MTUS2: variants seen among roughly 807,000 people sequenced by gnomAD.
The protein encoded by MTUS2 is microtubule associated scaffold protein 2, also known as microtubule-associated tumor suppressor candidate 2.
In MTUS2, 40 loss-of-function variants were observed where a neutral mutation model predicts 114.1. The observed-to-expected ratio is 0.35, with a 90% CI of 0.27 to 0.46. The LOEUF is 0.46. Ranked by LOEUF, MTUS2 falls within the 20% of genes least tolerant of loss-of-function variation. The pLI, the probability that MTUS2 is intolerant of heterozygous loss-of-function variation, is 1.00. For synonymous variants in MTUS2, 688 were observed against 672.0 expected, an observed-to-expected ratio of 1.02 and a Z score of -0.37; for missense variants, 1,679 against 1,705.4, an observed-to-expected ratio of 0.98 and a Z score of 0.27.
At chr13:28,947,469 T>G (rs1420122590) in intron 2 of MTUS2, among the ~76,000 whole-genome samples, 1 of 152,238 alleles carries the variant, frequency 6.6e-6, no homozygotes, top group East Asian at 1.9e-4. Context: ...TACCTCAATA[T>G]GTTTGCGAAT....
chr13:29,353,495 C>G (rs1477177130), intron 7 of MTUS2, among the ~76,000 whole-genome samples: 2 of 151,880 alleles, frequency 1.3e-5, no homozygotes, highest in Admixed American at 6.6e-5. Flanking sequence ...CAGGTGGGGT[C>G]TTCCTGTGTT....
chr13:29,420,649 T>C (rs3121761), intron 8 of MTUS2, among the ~76,000 whole-genome samples: 150,628 of 152,288 alleles, frequency 0.99, 74,524 homozygotes, highest in Middle Eastern at 1. Flanking sequence ...CTGGGATCAT[T>C]CTTTCTATTT....
At chr13:29,049,009 G>A (rs1031262801) in intron 4 of MTUS2, among the ~76,000 whole-genome samples, 10 of 152,152 alleles carry the variant, frequency 6.6e-5, no homozygotes, top group Non-Finnish European at 1.5e-4. Flanking sequence ...CTTATTAGGC[G>A]TGTACTGATC....
intron 2 of MTUS2, among the ~76,000 whole-genome samples, chr13:29,023,293 C>G (rs570553902): frequency 6.6e-6 from 1 of 152,310 alleles, no homozygotes; most frequent in South Asian, 2.1e-4. Context: ...GTGTTCAGGG[C>G]CTGATCATGC....
intron 4 of MTUS2, among the ~76,000 whole-genome samples, chr13:29,073,236 A>C (rs1379428186): frequency 6.6e-6 from 1 of 152,202 alleles, no homozygotes; most frequent in Non-Finnish European, 1.5e-5. Flanking sequence ...AGGTTGTTGA[A>C]AGAAAGTCAC....
chr13:29,294,607 T>A (rs4769710), intron 6 of MTUS2, among the ~76,000 whole-genome samples: 97,644 of 152,006 alleles, frequency 0.64, 32,519 homozygotes, highest in Non-Finnish European at 0.73. Context: ...ACAGAGTAAA[T>A]TCACCAAAGG....
intron 5 of MTUS2, among the ~76,000 whole-genome samples, chr13:29,272,572 A>T (rs967238101): frequency 6.6e-6 from 1 of 152,226 alleles, no homozygotes; most frequent in Non-Finnish European, 1.5e-5. Context: ...AATATGGATC[A>T]GAAGCCCTAA....
chr13:29,064,920 C>T (rs774575644), intron 4 of MTUS2, among the ~76,000 whole-genome samples: 9 of 152,152 alleles, frequency 5.9e-5, no homozygotes, highest in Middle Eastern at 3.2e-3. Flanking sequence ...GGAGAGTGAC[C>T]TCTAGCTCCA....
intron 5 of MTUS2, among the ~76,000 whole-genome samples, chr13:29,246,840 G>C (rs1896943280): frequency 6.6e-6 from 1 of 150,926 alleles, no homozygotes; most frequent in Non-Finnish European, 1.5e-5. Flanking sequence ...GCCAAAAGTA[G>C]TCTAGAAATT....
chr13:29,430,354 C>A (rs925956882), intron 8 of MTUS2, among the ~76,000 whole-genome samples: 1 of 152,078 alleles, frequency 6.6e-6, no homozygotes, highest in Non-Finnish European at 1.5e-5. Flanking sequence ...TGTTTTAAAT[C>A]AAGTTCTTGA....
intron 4 of MTUS2, among the ~76,000 whole-genome samples, chr13:29,094,676 T>G (rs1890104688): frequency 6.6e-6 from 1 of 152,036 alleles, no homozygotes; most frequent in African/African-American, 2.4e-5. Context: ...ATTCTCTGTT[T>G]TATTTATTTT....
At chr13:29,300,659 A>G (rs547273687) in intron 6 of MTUS2, among the ~76,000 whole-genome samples, 24 of 152,218 alleles carry the variant, frequency 1.6e-4, no homozygotes, top group South Asian at 6.2e-4. Context: ...GAAATGCCAA[A>G]TACTAAGAGT....
intron 8 of MTUS2, among the ~76,000 whole-genome samples, chr13:29,406,409 C>G (rs1299404769): frequency 1.3e-5 from 2 of 152,148 alleles, no homozygotes; most frequent in East Asian, 1.9e-4. Context: ...GTTCACTTAC[C>G]TGTTGGCAGA....
intron 5 of MTUS2, among the ~76,000 whole-genome samples, chr13:29,124,762 G>T (rs778706030): frequency 4.6e-5 from 7 of 152,182 alleles, no homozygotes; most frequent in Non-Finnish European, 8.8e-5. Context: ...AAAAGGAAAA[G>T]AAATTCTGAC....
chr13:29,320,102 G>T (rs1243032603), intron 6 of MTUS2, among the ~76,000 whole-genome samples: 1 of 152,214 alleles, frequency 6.6e-6, no homozygotes, highest in Non-Finnish European at 1.5e-5. Context: ...TTGAGATGGG[G>T]AGATTATCCT....
chr13:29,030,657 T>A (rs532911164), intron 3 of MTUS2, among the ~76,000 whole-genome samples: 3 of 152,308 alleles, frequency 2.0e-5, no homozygotes, highest in Admixed American at 6.5e-5. Flanking sequence ...GGCTGCAGTC[T>A]GGTCTCTAGG....
intron 5 of MTUS2, among the ~76,000 whole-genome samples, chr13:29,264,492 C>T (rs1228543366): frequency 6.6e-6 from 1 of 152,280 alleles, no homozygotes; most frequent in Admixed American, 6.5e-5. Flanking sequence ...CCACATTTCC[C>T]ATTGGCTCTG....
intron 2 of MTUS2, among the ~76,000 whole-genome samples, chr13:28,840,395 G>A (rs992853154): frequency 4.6e-5 from 7 of 152,136 alleles, no homozygotes; most frequent in African/African-American, 1.7e-4. Context: ...CTTTTCTGAG[G>A]GCTGCTGCTA....
intron 5 of MTUS2, among the ~76,000 whole-genome samples, chr13:29,103,080 G>T (rs1890489928): frequency 6.6e-6 from 1 of 152,180 alleles, no homozygotes; most frequent in South Asian, 2.1e-4. Flanking sequence ...TGGAAAGCTG[G>T]TCTTTTTGCA....
Sources: gnomAD v4.1 joint callset for allele counts (sites outside exome capture counted in the v4.1 genomes callset) on GRCh38, gnomAD v4.1.1 for gene constraint, MANE v1.5 for transcripts, NCBI Gene and HGNC (gene_info 2026-07-23, HGNC 2026-07-21) for gene names.